Variants in RBM19 observed in about 807,000 individuals in gnomAD.
The protein encoded by RBM19 is RNA binding motif protein 19, also known as probable RNA-binding protein 19.
In RBM19, 94 loss-of-function variants were observed where a neutral mutation model predicts 116.8. The ratio of observed to expected loss-of-function variants is 0.80; its 90% CI spans 0.68 to 0.95. RBM19 has a LOEUF of 0.95. RBM19 is among the 40% of genes least tolerant of loss of function. The probability of loss-of-function intolerance (pLI) is 0.00; values close to 1 mark genes in which losing one functional copy is unlikely to be tolerated. For synonymous variants in RBM19, 475 were observed against 494.1 expected (o/e 0.96, Z 0.51); for missense variants, 1,161 against 1,220.7 (o/e 0.95, Z 0.73).
intron 2 of RBM19, among the ~76,000 whole-genome samples, chr12:113,961,112 T>C (rs558850629): frequency 5.9e-5 from 9 of 152,304 alleles, no homozygotes; most frequent in Non-Finnish European, 1.0e-4. Flanking sequence ...AGCCTCAAAC[T>C]CTTGGGCTCA....
chr12:113,917,925 C>A (rs901930811), intron 20 of RBM19, among the ~76,000 whole-genome samples: 1 of 152,210 alleles, frequency 6.6e-6, no homozygotes, highest in Non-Finnish European at 1.5e-5. Flanking sequence ...CTAACACCTA[C>A]GGAATCTCTT....
At chr12:113,818,727 A>T (rs1011945151), downstream of RBM19, among the ~76,000 whole-genome samples, 7 of 152,214 alleles carry the variant, frequency 4.6e-5, no homozygotes, top group African/African-American at 1.4e-4. Context: ...GGAGACACTG[A>T]GAGCCTAGAG....
intron 23 of RBM19, among the ~76,000 whole-genome samples, chr12:113,833,525 C>G (rs755701430): frequency 1.1e-4 from 17 of 152,234 alleles, no homozygotes; most frequent in Non-Finnish European, 2.1e-4. Flanking sequence ...GGAAACCCTG[C>G]TGGCTTCTCT....
intron 22 of RBM19, among the ~76,000 whole-genome samples, chr12:113,855,997 G>A (rs1220964399): frequency 6.6e-6 from 1 of 152,226 alleles, no homozygotes; most frequent in Admixed American, 6.5e-5. Context: ...CAGGAAAGAT[G>A]TGCTTGTGAT....
At chr12:113,837,684 G>A (rs554613199) in intron 23 of RBM19, among the ~76,000 whole-genome samples, 5 of 152,228 alleles carry the variant, frequency 3.3e-5, no homozygotes, top group Non-Finnish European at 5.9e-5. Flanking sequence ...ACAAATACTC[G>A]GTACAGCAGG....
chr12:113,922,366 G>C (rs980659565), intron 18 of RBM19, among the ~76,000 whole-genome samples: 41 of 152,262 alleles, frequency 2.7e-4, no homozygotes, highest in Middle Eastern at 3.4e-3. Context: ...GTGACGGATG[G>C]GCCCCAGAGA....
Position 113,940,101 on chromosome 12 carries a change from C to G in RBM19, c.1797G>C (p.Leu599=). The change falls in exon 15 of 24, where the codon CTG becomes CTC. Residue 599 remains leucine, a synonymous_variant. Coordinates refer to ENST00000261741, the MANE Select transcript of RBM19 (RefSeq NM_016196.4). ...CGAAGGTCTCCTGCAGCTGGGCCGC[C>G]AGGGTGCCTGCCGGGAGGTTCTTGA... ...ILVKNLPAGT[L]AAQLQETFGH... 4 of 1,614,170 alleles carry G rather than the reference C, an allele frequency of 2.5e-6. No homozygotes were observed. The highest frequency in any genetic ancestry group is 3.4e-6 in the Non-Finnish European group (4 of 1,180,030).
At chr12:113,944,191 G>A (rs1445839140) in intron 13 of RBM19, among the ~76,000 whole-genome samples, 1 of 145,932 alleles carries the variant, frequency 6.9e-6, no homozygotes, top group Non-Finnish European at 1.5e-5. Context: ...CCTGCCTCCT[G>A]GGTTCAAGCG....
At chr12:113,871,672 A>G (rs1372901524) in intron 21 of RBM19, among the ~76,000 whole-genome samples, 1 of 152,220 alleles carries the variant, frequency 6.6e-6, no homozygotes, top group Non-Finnish European at 1.5e-5. Context: ...ACCACTGGAA[A>G]AGCACAGCAG....
chr12:113,874,736 TAG>T, intron 21 of RBM19, among the ~76,000 whole-genome samples: 1 of 152,326 alleles, frequency 6.6e-6, no homozygotes, highest in Admixed American at 6.5e-5. Context: ...GCTAGCATTC[TAG>T]AGGTTTCTGA....
chr12:113,856,653 G>A (rs971962099), intron 22 of RBM19, among the ~76,000 whole-genome samples: 2 of 152,218 alleles, frequency 1.3e-5, no homozygotes, highest in South Asian at 4.2e-4. Context: ...ATTTAAGGTT[G>A]ACATCACAAG....
At chr12:113,955,422 G>T (rs191340381) in intron 6 of RBM19, among the ~76,000 whole-genome samples, 168 of 152,248 alleles carry the variant, frequency 1.1e-3, no homozygotes, top group African/African-American at 3.9e-3. Flanking sequence ...CTGAGACGAG[G>T]GCTGGAACCA....
chr12:113,819,399 C>T (rs987539495), downstream of RBM19, among the ~76,000 whole-genome samples: 3 of 152,172 alleles, frequency 2.0e-5, no homozygotes, highest in African/African-American at 4.8e-5. Context: ...TTCTCTTTCC[C>T]GGCTCTCTGG....
At chr12:113,824,302 T>C (rs1347617796) in intron 23 of RBM19, among the ~76,000 whole-genome samples, 2 of 152,140 alleles carry the variant, frequency 1.3e-5, no homozygotes, top group African/African-American at 4.8e-5. Context: ...CCACAGTCTT[T>C]CTGCTTTTTA....
At position 113,822,638 on chromosome 12, in the gene RBM19, T is replaced by G. The variant is rs1874504854; in HGVS notation, c.*586A>C. On this transcript the variant is annotated 3_prime_UTR_variant, in exon 24 of 24. Coordinates refer to ENST00000261741, the MANE Select transcript of RBM19 (RefSeq NM_016196.4). ...GAAAGACATAGGTGGGAATTCTAGC[T>G]CAGCAGCCCTGGAGGGAGAGCAGGA... The G allele has an allele frequency of 6.5e-6, 1 of 152,872 alleles. No individual in the cohort carries two copies. The highest frequency in any genetic ancestry group is 2.1e-4 in the South Asian group (1 of 4,848). 9.5% of individuals were successfully genotyped at this position (152,872 alleles called of 1,614,324 possible).
chr12:113,827,343 C>T (rs1328808648), intron 23 of RBM19, among the ~76,000 whole-genome samples: 1 of 151,990 alleles, frequency 6.6e-6, no homozygotes, highest in East Asian at 1.9e-4. Flanking sequence ...CCCCTCCCCA[C>T]CAACCTCCAA....
intron 5 of RBM19, among the ~76,000 whole-genome samples, chr12:113,958,698 C>A (rs1044722868): frequency 3.9e-5 from 6 of 152,160 alleles, no homozygotes; most frequent in African/African-American, 7.2e-5. Flanking sequence ...CTCCACCAAG[C>A]ACGTACCCTC....
chr12:113,888,214 A>G (rs1230879156), intron 21 of RBM19, among the ~76,000 whole-genome samples: 1 of 151,922 alleles, frequency 6.6e-6, no homozygotes, highest in Non-Finnish European at 1.5e-5. Context: ...GCTTTTAGTG[A>G]AAAAAAACTC....
At chr12:113,902,652 A>T (rs1168089001) in intron 21 of RBM19, among the ~76,000 whole-genome samples, 3 of 151,396 alleles carry the variant, frequency 2.0e-5, no homozygotes, top group Non-Finnish European at 4.4e-5. Context: ...ACAGTATGTC[A>T]TCTTTTCAGG....
Sources: gnomAD v4.1 joint callset for allele counts (sites outside exome capture counted in the v4.1 genomes callset) on GRCh38, gnomAD v4.1.1 for gene constraint, MANE v1.5 for transcripts, NCBI Gene and HGNC (gene_info 2026-07-23, HGNC 2026-07-21) for gene names.